CDC42BPB: variants seen among roughly 807,000 people sequenced by gnomAD.
CDC42BPB encodes serine/threonine-protein kinase MRCK beta.
Under a neutral mutation model 214.9 loss-of-function variants are expected in CDC42BPB, and 37 were observed. The ratio of observed to expected loss-of-function variants is 0.17; its 90% CI spans 0.13 to 0.23. The LOEUF (loss-of-function observed/expected upper bound fraction) is 0.23, where lower values mean the gene tolerates loss of function less well. CDC42BPB is among the 10% of genes least tolerant of loss of function. The probability of loss-of-function intolerance (pLI) is 1.00; values close to 1 mark genes in which losing one functional copy is unlikely to be tolerated. For missense variants in CDC42BPB, 1,694 were observed against 2,227.0 expected, an observed-to-expected ratio of 0.76 and a Z score of 4.82; for synonymous variants, 931 against 884.0, an observed-to-expected ratio of 1.05 and a Z score of -0.94.
intron 16 of CDC42BPB, among the ~76,000 whole-genome samples, chr14:102,967,886 G>A (rs1447886274): frequency 4.6e-5 from 7 of 152,140 alleles, no homozygotes; most frequent in African/African-American, 1.7e-4. Flanking sequence ...ATGAGGTCAG[G>A]AGATTGAGAC....
chr14:102,938,835 C>T (rs1180620625), intron 34 of CDC42BPB, among the ~76,000 whole-genome samples: 1 of 152,064 alleles, frequency 6.6e-6, no homozygotes, highest in Non-Finnish European at 1.5e-5. Context: ...TCCATGTTGG[C>T]CAGGCTGGTC....
chr14:102,993,720 A>G (rs1355182621), intron 5 of CDC42BPB, among the ~76,000 whole-genome samples: 1 of 152,188 alleles, frequency 6.6e-6, no homozygotes, highest in Non-Finnish European at 1.5e-5. Flanking sequence ...ACCCATGTAA[A>G]TAAAAGATGA....
intron 28 of CDC42BPB, 112 bp downstream of exon 28, chr14:102,946,356 C>A: frequency 8.2e-7 from 1 of 1,215,662 alleles, no homozygotes; most frequent in East Asian, 2.5e-5. Context: ...GAGAAACTGT[C>A]TACAAACCCA....
At position 102,970,153 on chromosome 14, in the gene CDC42BPB, T is replaced by C; in HGVS notation, c.1993A>G (p.Lys665Glu). 1 of 1,612,310 alleles carries C rather than the reference T, an allele frequency of 6.2e-7. No individual in the cohort carries two copies. Among genetic ancestry groups the C allele is most frequent in the Non-Finnish European group, 8.5e-7 (1 of 1,179,474 alleles). ...CAGAGACCCCCGCCCAGCACTACCT[T>C]GAGGGCCTCCAGCTCGCTTTCCATT... ...KQMESELEAL[K>E]VKQGGRGAGA... The change falls in exon 14 of 37, where the codon AAG (lysine) becomes GAG (glutamate). Residue 665 changes from lysine to glutamate, a missense_variant and splice_region_variant. Lys to Glu is a moderately conservative substitution (Grantham distance 56). This residue lies in a region of CDC42BPB where 462 missense variants were observed against 513.5 expected (regional missense o/e 0.90). Coordinates refer to ENST00000361246, the MANE Select transcript of CDC42BPB (RefSeq NM_006035.4).
Position 102,949,806 on chromosome 14 carries a change from G to A in CDC42BPB, c.3408C>T (p.Ser1136=). 1.9e-6 allele frequency: 3 copies of A among 1,613,530 alleles called. No individual in the cohort carries two copies. Among genetic ancestry groups the A allele is most frequent in the Non-Finnish European group, 2.5e-6 (3 of 1,180,012 alleles). ...GGCTCGCAATGACACCAGGCTGGGT[G>A]GATTTTCCTTCAGGCAGATCATACA... is the stretch of plus-strand genomic sequence containing the variant. ...LFLYDLPEGK[S]TQPGVIASQV... is the part of the protein sequence containing the mutation. Residue 1136 remains serine (S), a synonymous_variant, in exon 26 of 37, where the codon TCC becomes TCT. Transcript: ENST00000361246.
At chr14:102,938,824 C>T (rs1891757465) in intron 34 of CDC42BPB, among the ~76,000 whole-genome samples, 1 of 152,068 alleles carries the variant, frequency 6.6e-6, no homozygotes, top group South Asian at 2.1e-4. Flanking sequence ...GACAGGGTTT[C>T]TCCATGTTGG....
chr14:103,051,375 T>C (rs1035197482), intron 1 of CDC42BPB, among the ~76,000 whole-genome samples: 2 of 150,274 alleles, frequency 1.3e-5, no homozygotes, highest in Non-Finnish European at 2.9e-5. Context: ...TATTATGTTA[T>C]GGGTTTTGGG....
At chr14:102,983,118 G>A (rs1022510679) in intron 7 of CDC42BPB, among the ~76,000 whole-genome samples, 1 of 152,140 alleles carries the variant, frequency 6.6e-6, no homozygotes, top group Admixed American at 6.5e-5. Flanking sequence ...ACAGACTTGA[G>A]AATCAAAGTT....
At chr14:103,041,546 C>G (rs1887994744) in intron 1 of CDC42BPB, 1 of 1,352,584 alleles carries the variant, frequency 7.4e-7, no homozygotes, top group Non-Finnish European at 1.0e-6. Flanking sequence ...ATGGTTCAAC[C>G]AGCCGGCCCG....
Position 102,986,445 on chromosome 14 carries a change from A to G in CDC42BPB, c.690+42T>C, listed in dbSNP as rs931314763. 3 of 1,503,490 alleles carry G rather than the reference A, an allele frequency of 2.0e-6. No individual in the cohort carries two copies. The African/African-American group carries it at 4.1e-5, about 21-fold the overall frequency. 93.1% of individuals were successfully genotyped at this position (1,503,490 alleles called of 1,614,324 possible). On this transcript the variant is annotated intron_variant, in intron 6 of 36. Transcript: ENST00000361246. ...AAAACTTCCCTTCTGACTATATGCC[A>G]AACCCAAAACCAAATGGAAAATCTC... is the stretch of plus-strand genomic sequence containing the variant.
At chr14:102,991,041 A>C (rs1243378511) in intron 5 of CDC42BPB, among the ~76,000 whole-genome samples, 3 of 152,232 alleles carry the variant, frequency 2.0e-5, no homozygotes, top group Non-Finnish European at 4.4e-5. Flanking sequence ...AAAATTCATT[A>C]ATGGGTACTA....
chr14:102,967,890 T>C (rs1175798918), intron 16 of CDC42BPB, among the ~76,000 whole-genome samples: 3 of 151,778 alleles, frequency 2.0e-5, no homozygotes, highest in Non-Finnish European at 4.4e-5. Context: ...GGTCAGGAGA[T>C]TGAGACCATC....
At chr14:102,941,618 G>C in intron 30 of CDC42BPB, 1 of 921,110 alleles carries the variant, frequency 1.1e-6, no homozygotes, top group Non-Finnish European at 1.3e-6. Context: ...CGCTTGCAAG[G>C]AAGCAGGAAG....
chr14:102,934,816 C>A (rs967922446), intron 36 of CDC42BPB, among the ~76,000 whole-genome samples: 20 of 151,730 alleles, frequency 1.3e-4, no homozygotes, highest in Non-Finnish European at 1.3e-4. Flanking sequence ...TTGAGACCAT[C>A]CTAACACAGT....
chr14:102,964,416 G>A, intron 19 of CDC42BPB, 86 bp downstream of exon 19: 1 of 1,499,070 alleles, frequency 6.7e-7, no homozygotes, highest in African/African-American at 1.4e-5. Flanking sequence ...TCCAGGCGAG[G>A]AGCATCGGAG....
At chr14:102,995,686 G>A (rs1326189875) in intron 5 of CDC42BPB, among the ~76,000 whole-genome samples, 2 of 152,254 alleles carry the variant, frequency 1.3e-5, no homozygotes, top group East Asian at 3.9e-4. Flanking sequence ...CCTGCGGGGT[G>A]GGATCCCCAC....
intron 30 of CDC42BPB, among the ~76,000 whole-genome samples, chr14:102,942,196 C>T (rs866319333): frequency 2.0e-5 from 3 of 152,032 alleles, no homozygotes; most frequent in Non-Finnish European, 4.4e-5. Context: ...CCTTCCTGCA[C>T]CTCACCGCAG....
At chr14:103,053,562 C>T (rs889078307) in intron 1 of CDC42BPB, among the ~76,000 whole-genome samples, 13 of 151,612 alleles carry the variant, frequency 8.6e-5, no homozygotes, top group East Asian at 4.0e-4. Context: ...GAGATCGAGA[C>T]CATCCTGGCT....
At chr14:103,025,732 C>T (rs925298851) in intron 1 of CDC42BPB, among the ~76,000 whole-genome samples, 4 of 151,196 alleles carry the variant, frequency 2.6e-5, no homozygotes, top group East Asian at 2.0e-4. Context: ...GCAGGAGAAT[C>T]GCTTGAACCC....
Sources: gnomAD v4.1 joint callset for allele counts (sites outside exome capture counted in the v4.1 genomes callset) on GRCh38, gnomAD v4.1.1 for gene constraint, gnomAD v4.1.1 regional missense constraint, MANE v1.5 for transcripts, NCBI Gene and HGNC (gene_info 2026-07-23, HGNC 2026-07-21) for gene names.